Variants in MARCO observed in about 807,000 individuals in gnomAD.
MARCO encodes macrophage receptor MARCO.
A neutral mutation model predicts 70.0 loss-of-function variants in MARCO; 72 were observed. The observed-to-expected ratio is 1.03, with a 90% confidence interval of 0.85 to 1.25. The LOEUF is 1.25. Ranked by LOEUF, MARCO falls within the 50% of genes most tolerant of loss-of-function variation. The pLI is 0.00. For missense variants in MARCO, 696 were observed against 659.3 expected, an observed-to-expected ratio of 1.06 and a Z score of -0.61; for synonymous variants, 273 against 243.1, an observed-to-expected ratio of 1.12 and a Z score of -1.14.
chr2:118,944,291 G>A (rs1414764311), intron 1 of MARCO, among the ~76,000 whole-genome samples: 2 of 152,158 alleles, frequency 1.3e-5, no homozygotes, highest in Non-Finnish European at 2.9e-5. Flanking sequence ...CAATTTGGAT[G>A]AAAGAAACAT....
intron 1 of MARCO, among the ~76,000 whole-genome samples, chr2:118,964,289 T>C (rs1680002840): frequency 6.6e-6 from 1 of 152,236 alleles, no homozygotes; most frequent in South Asian, 2.1e-4. Context: ...GATGCTGTAG[T>C]ATATATCCCT....
intron 1 of MARCO, among the ~76,000 whole-genome samples, chr2:118,966,182 G>GA (rs1467363247): frequency 2.0e-5 from 3 of 152,172 alleles, no homozygotes. Context: ...TTACAGACTT[G>GA]AAAAATTATT....
chr2:118,994,554 T>A lies in MARCO; in HGVS notation c.*34T>A. The A allele has an allele frequency of 1.3e-6, 2 of 1,536,636 alleles. No homozygotes were observed. The highest frequency in any genetic ancestry group is 1.7e-6 in the Non-Finnish European group (2 of 1,143,006). On this transcript the variant is annotated 3_prime_UTR_variant, in exon 17 of 17. Coordinates refer to ENST00000327097, the MANE Select transcript of MARCO (RefSeq NM_006770.4). ...CCCTTTCACTTCTCTGCTCCCGAGGTGTCCTCGGGCTCATATGTGGGAAGG... is the reference window on the plus strand; with the variant it reads ...CCCTTTCACTTCTCTGCTCCCGAGGAGTCCTCGGGCTCATATGTGGGAAGG...
intron 8 of MARCO, among the ~76,000 whole-genome samples, chr2:118,979,869 A>C (rs1680357081): frequency 6.6e-6 from 1 of 152,212 alleles, no homozygotes; most frequent in Admixed American, 6.5e-5. Context: ...TCTTCCTGCT[A>C]GTAGACAGAT....
intron 1 of MARCO, among the ~76,000 whole-genome samples, chr2:118,959,833 G>A (rs1156437954): frequency 3.3e-5 from 5 of 152,166 alleles, no homozygotes; most frequent in Non-Finnish European, 7.4e-5. Flanking sequence ...GATGAGATTG[G>A]AGACTATTAT....
At chr2:118,988,030 G>T (rs1680548705) in intron 12 of MARCO, among the ~76,000 whole-genome samples, 1 of 152,192 alleles carries the variant, frequency 6.6e-6, no homozygotes, top group Non-Finnish European at 1.5e-5. Context: ...ATGTGACCTT[G>T]AATTACTCAC....
chr2:118,970,218 C>A lies in MARCO; in HGVS notation c.304C>A (p.Pro102Thr). The change falls in exon 3 of 17, where the codon CCT (proline) becomes ACT (threonine). Residue 102 changes from proline (P) to threonine (T), a missense_variant. Physicochemically the swap from Pro to Thr is conservative, Grantham distance 38. Around this residue, in one of 3 missense-constraint regions of MARCO, gnomAD observed 605 missense variants for 537.6 expected, o/e 1.13. Transcript: ENST00000327097. The stretch of plus-strand genomic sequence containing the variant: ...CTTCTCCTTGCTGCAGTCAGCACAC[C>A]CTGGAGAACACCTGGCTCAGGGTGC... ...PSFSLLQSAHPGEHLAQGASR... is the reference protein window; with the variant it reads ...PSFSLLQSAHTGEHLAQGASR... 1 of 1,614,074 alleles carries A rather than the reference C, an allele frequency of 6.2e-7. No homozygotes were observed. The highest frequency in any genetic ancestry group is 8.5e-7 in the Non-Finnish European group (1 of 1,180,008).
chr2:118,981,551 C>CTT (rs111379161), intron 9 of MARCO, 44 bp downstream of exon 9: 2,076 of 1,432,856 alleles, frequency 1.4e-3, no homozygotes, highest in Non-Finnish European at 1.7e-3. Flanking sequence ...TAGGTATTTC[C>CTT]TTTTTTTTTT....
chr2:118,951,579 A>C (rs559683824), intron 1 of MARCO, among the ~76,000 whole-genome samples: 1 of 152,218 alleles, frequency 6.6e-6, no homozygotes, highest in Non-Finnish European at 1.5e-5. Context: ...TCTACGGGTT[A>C]CTGGGTTAAG....
At chr2:118,991,004 G>C (rs1321103637) in intron 13 of MARCO, among the ~76,000 whole-genome samples, 2 of 152,108 alleles carry the variant, frequency 1.3e-5, no homozygotes, top group African/African-American at 4.8e-5. Context: ...CTCAGCTGTG[G>C]CCCACTTGTC....
chr2:118,948,706 T>C (rs1679651418), intron 1 of MARCO, among the ~76,000 whole-genome samples: 1 of 152,238 alleles, frequency 6.6e-6, no homozygotes, highest in Non-Finnish European at 1.5e-5. Context: ...CTTGGCTTAG[T>C]TGTTTTGATT....
chr2:118,986,380 G>A (rs1680482956), intron 12 of MARCO, among the ~76,000 whole-genome samples: 1 of 151,816 alleles, frequency 6.6e-6, no homozygotes, highest in South Asian at 2.1e-4. Flanking sequence ...TGGGCATAGT[G>A]GCATGTACCT....
chr2:118,944,200 C>A (rs1679554162), intron 1 of MARCO, among the ~76,000 whole-genome samples: 1 of 151,656 alleles, frequency 6.6e-6, no homozygotes, highest in Non-Finnish European at 1.5e-5. Flanking sequence ...CCAACCTGGG[C>A]AACATAGTGA....
chr2:118,969,064 T>A, intron 1 of MARCO, 96 bp from the exon 2 acceptor site: 1 of 816,254 alleles, frequency 1.2e-6, no homozygotes, highest in African/African-American at 1.7e-5. Context: ...CCTCACAGGG[T>A]GCCCCCTGCT....
At chr2:118,991,992 G>T in intron 14 of MARCO, 117 bp downstream of exon 14, 1 of 769,542 alleles carries the variant, frequency 1.3e-6, no homozygotes, top group Non-Finnish European at 2.1e-6. Flanking sequence ...GAACCCAGGA[G>T]GGTAGAGGTT....
intron 3 of MARCO, among the ~76,000 whole-genome samples, 175 bp from the exon 4 acceptor site, chr2:118,971,322 ACT>A (rs1237317879): frequency 6.6e-6 from 1 of 151,322 alleles, no homozygotes; most frequent in Non-Finnish European, 1.5e-5. Flanking sequence ...CTTTCCAAGG[ACT>A]CTTTCCCAAA....
At chr2:118,966,887 A>T (rs1306137071) in intron 1 of MARCO, among the ~76,000 whole-genome samples, 1 of 152,156 alleles carries the variant, frequency 6.6e-6, no homozygotes, top group East Asian at 1.9e-4. Flanking sequence ...CTCGTGTGTT[A>T]TTTGTCTTCA....
chr2:118,953,486 T>G lies in MARCO; in HGVS notation c.97+11089T>G, dbSNP rs1030982358. Among the ~76,000 whole-genome samples, 3 of 152,250 alleles carry G rather than the reference T, an allele frequency of 2.0e-5. No individual in the cohort carries two copies. In the East Asian group the frequency reaches 5.8e-4, roughly 29 times the overall value. On this transcript the variant is annotated intron_variant, in intron 1 of 16. Transcript: ENST00000327097. ...AGAAATGTGGTTGATTTTTGTGTGT[T>G]CATCTTGTGTCTTCCAACTATGTGA...
Position 118,974,579 on chromosome 2 carries a change from G to C in MARCO, c.613+14G>C. 1 of 1,610,832 alleles carries C rather than the reference G, an allele frequency of 6.2e-7. No individual in the cohort carries two copies. The highest frequency in any genetic ancestry group is 8.5e-7 in the Non-Finnish European group (1 of 1,178,976). ...AGGGAGAGGCGGGTGAGTAGGTGCT[G>C]GGTATGTACCCAGAAATACACAGCA... On this transcript the variant is annotated intron_variant, in intron 6 of 16. Transcript: ENST00000327097.
Sources: allele counts gnomAD v4.1 joint callset (sites outside exome capture counted in the v4.1 genomes callset), GRCh38; gene constraint gnomAD v4.1.1; regional missense constraint gnomAD v4.1.1; transcripts MANE v1.5; gene names NCBI Gene and HGNC (gene_info 2026-07-23, HGNC 2026-07-21).